Variants in TRPM1 observed in about 807,000 individuals in gnomAD.
The protein encoded by TRPM1 is transient receptor potential cation channel subfamily M member 1.
A neutral mutation model predicts 149.4 loss-of-function variants in TRPM1; 113 were observed. The ratio of observed to expected loss-of-function variants is 0.76; its 90% CI spans 0.65 to 0.88. The LOEUF (loss-of-function observed/expected upper bound fraction) is 0.88. Ranked by LOEUF, TRPM1 falls within the 40% of genes least tolerant of loss-of-function variation. The probability of loss-of-function intolerance (pLI) is 0.00; values close to 1 mark genes in which losing one functional copy is unlikely to be tolerated. For missense variants in TRPM1, 1,976 were observed against 2,038.7 expected, an observed-to-expected ratio of 0.97 and a Z score of 0.59; for synonymous variants, 741 against 759.5, an observed-to-expected ratio of 0.98 and a Z score of 0.40.
chr15:31,098,009 G>A (rs1390210750), intron 1 of TRPM1, among the ~76,000 whole-genome samples: 1 of 152,194 alleles, frequency 6.6e-6, no homozygotes, highest in Non-Finnish European at 1.5e-5. Flanking sequence ...GATATATTGT[G>A]TTAAATGAAT....
At chr15:31,109,852 T>C (rs1469184111) in intron 1 of TRPM1, among the ~76,000 whole-genome samples, 1 of 152,054 alleles carries the variant, frequency 6.6e-6, no homozygotes, top group African/African-American at 2.4e-5. Flanking sequence ...AGCTGGAGCT[T>C]GGTTCCCAGG....
chr15:31,141,191 A>G (rs1358943932), intron 1 of TRPM1, among the ~76,000 whole-genome samples: 8 of 152,154 alleles, frequency 5.3e-5, no homozygotes, highest in African/African-American at 1.7e-4. Flanking sequence ...GTTAGTAAAC[A>G]TAAAAAATTG....
chr15:31,105,435 CTGTGTGTGTGTGTGTGTG>C (rs10525947), upstream of TRPM1, among the ~76,000 whole-genome samples: 646 of 148,686 alleles, frequency 4.3e-3, 5 homozygotes, highest in East Asian at 0.021. Flanking sequence ...CTGTGTGTCT[CTGTGTGTGTGTGTGTGTG>C]TGTGTGTGTG....
At chr15:31,015,360 C>T (rs182764456) in intron 27 of TRPM1, among the ~76,000 whole-genome samples, 2 of 150,856 alleles carry the variant, frequency 1.3e-5, no homozygotes, top group South Asian at 2.1e-4. Flanking sequence ...TGCAGTGAGC[C>T]GAGATCATGC....
intron 1 of TRPM1, among the ~76,000 whole-genome samples, chr15:31,101,116 T>C (rs564324753): frequency 2.8e-4 from 43 of 152,334 alleles, no homozygotes; most frequent in African/African-American, 7.0e-4. Flanking sequence ...GTATAAACCC[T>C]GTCTCTCCTA....
chr15:31,077,973 A>T (rs2034756383), intron 2 of TRPM1, among the ~76,000 whole-genome samples: 1 of 151,844 alleles, frequency 6.6e-6, no homozygotes, highest in African/African-American at 2.4e-5. Context: ...CATGACTATG[A>T]CCTGTGTAGT....
intron 1 of TRPM1, among the ~76,000 whole-genome samples, chr15:31,136,053 T>C (rs803534): frequency 0.73 from 110,589 of 152,020 alleles, 40,612 homozygotes; most frequent in East Asian, 0.99. Flanking sequence ...TGTCAACAAA[T>C]CCCTGAACGT....
chr15:31,068,161 C>T (rs769013922), intron 4 of TRPM1, 69 bp from the exon 5 acceptor site: 4 of 1,386,314 alleles, frequency 2.9e-6, no homozygotes, highest in Non-Finnish European at 4.1e-6. Context: ...GGGAGTGAGG[C>T]TATTGCTCAT....
chr15:31,075,606 T>C (rs116894076), intron 3 of TRPM1, among the ~76,000 whole-genome samples: 1 of 152,124 alleles, frequency 6.6e-6, no homozygotes, highest in Non-Finnish European at 1.5e-5. Context: ...AGGGACAGGA[T>C]GAGAAATGCT....
intron 21 of TRPM1, among the ~76,000 whole-genome samples, chr15:31,034,196 C>T (rs2033233907): frequency 6.6e-6 from 1 of 152,124 alleles, no homozygotes; most frequent in Non-Finnish European, 1.5e-5. Flanking sequence ...GGGAAGTATC[C>T]GGCCTATCTT....
intron 21 of TRPM1, among the ~76,000 whole-genome samples, chr15:31,033,841 C>T (rs138228219): frequency 0.015 from 2,227 of 152,284 alleles, 30 homozygotes; most frequent in African/African-American, 0.032. Context: ...TCAGGAAATA[C>T]CAGTTGCAGC....
chr15:31,128,845 G>A (rs1002825482), intron 1 of TRPM1, among the ~76,000 whole-genome samples: 3 of 152,248 alleles, frequency 2.0e-5, no homozygotes, highest in Admixed American at 2.0e-4. Flanking sequence ...TTTTTGAACA[G>A]AGGGCCAGCA....
At chr15:31,160,848 C>A (rs953400796) in intron 1 of TRPM1, 2 of 1,512,478 alleles carry the variant, frequency 1.3e-6, no homozygotes, top group East Asian at 2.4e-5. Flanking sequence ...AGCTGGAGAC[C>A]AGTGTCCCTC....
At chr15:31,159,352 C>T (rs2036416808) in intron 1 of TRPM1, among the ~76,000 whole-genome samples, 1 of 152,192 alleles carries the variant, frequency 6.6e-6, no homozygotes, top group Non-Finnish European at 1.5e-5. Context: ...AAAGCCTGTT[C>T]CTTTTCAGAG....
At chr15:31,075,499 G>T (rs2034665022) in intron 3 of TRPM1, among the ~76,000 whole-genome samples, 1 of 152,138 alleles carries the variant, frequency 6.6e-6, no homozygotes, top group Admixed American at 6.5e-5. Flanking sequence ...CTCACTTTCT[G>T]TGGTTGCTGC....
At chr15:31,027,599 T>G (rs2032840990) in intron 25 of TRPM1, among the ~76,000 whole-genome samples, 1 of 152,204 alleles carries the variant, frequency 6.6e-6, no homozygotes, top group South Asian at 2.1e-4. Context: ...CAGGAAGCAG[T>G]AAGTGCATGA....
At position 31,147,019 on chromosome 15, in the gene TRPM1, G is replaced by C. The variant is rs558816035; in HGVS notation, c.54+13887C>G. Among the ~76,000 whole-genome samples, 4 of 151,620 alleles carry C rather than the reference G, an allele frequency of 2.6e-5. No individual in the cohort carries two copies. The South Asian group carries it at 8.3e-4, about 32-fold the overall frequency. ...AAAAAAAATGACCAATTCAATGTTT[G>C]TTCCTTGTTTCTGTTTTCTTCAGCC... On this transcript the variant is annotated intron_variant, in intron 1 of 26. Coordinates refer to the TRPM1 transcript ENST00000542188.
At chr15:31,023,077 G>A (rs2032602514) in intron 27 of TRPM1, among the ~76,000 whole-genome samples, 1 of 152,210 alleles carries the variant, frequency 6.6e-6, no homozygotes, top group Non-Finnish European at 1.5e-5. Flanking sequence ...GATATGTGCA[G>A]GCTCTAGGTA....
At chr15:31,072,200 C>T (rs943839796) in intron 3 of TRPM1, among the ~76,000 whole-genome samples, 1 of 151,718 alleles carries the variant, frequency 6.6e-6, no homozygotes, top group African/African-American at 2.4e-5. Flanking sequence ...CACCACTCCC[C>T]AAGCCATAAG....
Sources: gnomAD v4.1 joint callset for allele counts (sites outside exome capture counted in the v4.1 genomes callset) on GRCh38, gnomAD v4.1.1 for gene constraint, MANE v1.5 for transcripts, NCBI Gene and HGNC (gene_info 2026-07-23, HGNC 2026-07-21) for gene names.